CDK14: variants seen among roughly 807,000 people sequenced by gnomAD.
CDK14 encodes the protein cyclin-dependent kinase 14.
Under a neutral mutation model 60.7 loss-of-function variants are expected in CDK14, and 34 were observed. The observed-to-expected ratio is 0.56, with a 90% CI of 0.43 to 0.75. The LOEUF is 0.75. Among genes scored for constraint, CDK14 ranks in the 30% least tolerant of loss-of-function variants. The pLI is 0.00. For synonymous variants in CDK14, 197 were observed against 203.7 expected (o/e 0.97, Z 0.28); for missense variants, 482 against 564.1 (o/e 0.85, Z 1.47).
At chr7:90,737,192 G>A (rs1391859958) in intron 3 of CDK14, among the ~76,000 whole-genome samples, 1 of 152,178 alleles carries the variant, frequency 6.6e-6, no homozygotes, top group Non-Finnish European at 1.5e-5. Context: ...GTTCTTGGGA[G>A]TACTACAGGA....
chr7:90,893,276 A>G (rs891370334), intron 6 of CDK14, among the ~76,000 whole-genome samples: 1 of 152,308 alleles, frequency 6.6e-6, no homozygotes, highest in East Asian at 1.9e-4. Flanking sequence ...TGGGAAGAAG[A>G]GGTGAGGCAT....
chr7:90,843,240 T>G (rs1790358381), intron 5 of CDK14, among the ~76,000 whole-genome samples: 1 of 152,194 alleles, frequency 6.6e-6, no homozygotes. Context: ...TTCATTAGTC[T>G]CAGTCCCTTT....
intron 7 of CDK14, among the ~76,000 whole-genome samples, chr7:90,916,650 T>A (rs1267194521): frequency 1.3e-5 from 2 of 152,356 alleles, no homozygotes; most frequent in South Asian, 4.1e-4. Flanking sequence ...TAACTGGTTA[T>A]ATAGACTAGA....
At position 91,154,570 on chromosome 7, in the gene CDK14, A is replaced by G. The variant is rs146580375; in HGVS notation, c.*28+36362A>G. On this transcript the variant is annotated intron_variant, in intron 14 of 14. Coordinates refer to ENST00000380050, the MANE Select transcript of CDK14 (RefSeq NM_001287135.2). ...GATATAGTATGCAGCACATCTTGGA[A>G]GAGAAATTCTGTGAGAAGCAATTCC... Among the ~76,000 whole-genome samples, 262 of 152,292 alleles carry G rather than the reference A, an allele frequency of 1.7e-3. 1 individual carries two copies. The highest frequency in any genetic ancestry group is 2.7e-3 in the Non-Finnish European group (187 of 68,014).
intron 5 of CDK14, among the ~76,000 whole-genome samples, chr7:90,809,362 C>T (rs185599842): frequency 1.0e-3 from 156 of 152,068 alleles, no homozygotes; most frequent in African/African-American, 3.4e-3. Flanking sequence ...AACCTGCTCC[C>T]GAATGACTGC....
chr7:90,948,807 C>G (rs1344591746), intron 8 of CDK14, among the ~76,000 whole-genome samples: 3 of 152,210 alleles, frequency 2.0e-5, no homozygotes, highest in African/African-American at 7.2e-5. Context: ...GTCACTTAAT[C>G]AAGGAGAAAT....
chr7:90,625,534 A>G (rs192282728), intron 2 of CDK14, among the ~76,000 whole-genome samples: 2 of 152,338 alleles, frequency 1.3e-5, no homozygotes, highest in East Asian at 3.9e-4. Context: ...TTGATCTCTT[A>G]TACCTTGGAC....
At chr7:91,056,353 A>G (rs1797557063) in intron 11 of CDK14, among the ~76,000 whole-genome samples, 1 of 150,802 alleles carries the variant, frequency 6.6e-6, no homozygotes, top group Non-Finnish European at 1.5e-5. Context: ...AGCACAGAGA[A>G]CAGCATGGTG....
intron 2 of CDK14, chr7:90,710,323 CA>C: frequency 1.0e-6 from 1 of 985,040 alleles, no homozygotes; most frequent in South Asian, 4.7e-5. Flanking sequence ...AGAGATCTTA[CA>C]TTTTTTTTTG....
At chr7:90,706,518 A>G (rs925027347) in intron 2 of CDK14, among the ~76,000 whole-genome samples, 2 of 152,184 alleles carry the variant, frequency 1.3e-5, no homozygotes, top group Non-Finnish European at 2.9e-5. Flanking sequence ...AGCAGTTTAC[A>G]TTCTAGTGGG....
At chr7:90,794,437 A>G (rs1212912349) in intron 5 of CDK14, among the ~76,000 whole-genome samples, 1 of 152,156 alleles carries the variant, frequency 6.6e-6, no homozygotes, top group East Asian at 1.9e-4. Context: ...TCCCTTGTCT[A>G]CAACTGTAAA....
chr7:91,203,769 C>T (rs974596242), intron 14 of CDK14, among the ~76,000 whole-genome samples: 2 of 152,086 alleles, frequency 1.3e-5, no homozygotes. Context: ...AATGTGAAGG[C>T]TGATAGTGGG....
intron 3 of CDK14, among the ~76,000 whole-genome samples, chr7:90,741,529 G>T (rs1803344594): frequency 6.6e-6 from 1 of 152,142 alleles, no homozygotes; most frequent in Non-Finnish European, 1.5e-5. Context: ...GATATTTACA[G>T]GTGAATTGGG....
intron 2 of CDK14, among the ~76,000 whole-genome samples, chr7:90,716,802 T>A (rs1802263490): frequency 6.6e-6 from 1 of 152,104 alleles, no homozygotes; most frequent in South Asian, 2.1e-4. Flanking sequence ...CCTCTAAATT[T>A]GCCCTCTCTA....
At chr7:90,814,360 C>T (rs551835332) in intron 5 of CDK14, among the ~76,000 whole-genome samples, 27 of 152,202 alleles carry the variant, frequency 1.8e-4, no homozygotes, top group African/African-American at 6.0e-4. Flanking sequence ...AAAACATGAG[C>T]CACATTTTAC....
At position 90,893,499 on chromosome 7, in the gene CDK14, A is replaced by G. The variant is rs1410048503; in HGVS notation, c.640-5792A>G. On this transcript the variant is annotated intron_variant, in intron 6 of 14. Transcript: ENST00000380050. ...GAGCTGTTGGTCATATGCCATAGTG[A>G]TGTTCTGTTCAGAACTTTATAACCA... Among the ~76,000 whole-genome samples the G allele has an allele frequency of 8.5e-4, 129 of 152,312 alleles. 1 individual carries two copies. The highest frequency in any genetic ancestry group is 2.1e-4 in the Non-Finnish European group (14 of 68,034).
At chr7:90,650,321 T>C (rs1165264291) in intron 2 of CDK14, among the ~76,000 whole-genome samples, 1 of 152,210 alleles carries the variant, frequency 6.6e-6, no homozygotes, top group Non-Finnish European at 1.5e-5. Context: ...TTTTTTCTTG[T>C]AAATTTGTTT....
At chr7:90,842,615 G>A (rs960111629) in intron 5 of CDK14, among the ~76,000 whole-genome samples, 14 of 152,214 alleles carry the variant, frequency 9.2e-5, no homozygotes, top group Middle Eastern at 3.4e-3. Flanking sequence ...ATCTATGTGC[G>A]TCTGTGCGTG....
At chr7:90,967,696 G>A (rs539300464) in intron 9 of CDK14, among the ~76,000 whole-genome samples, 1 of 152,320 alleles carries the variant, frequency 6.6e-6, no homozygotes, top group South Asian at 2.1e-4. Flanking sequence ...TTTTACATGA[G>A]TGGATTATAG....
Sources: gnomAD v4.1 joint callset for allele counts (sites outside exome capture counted in the v4.1 genomes callset) on GRCh38, gnomAD v4.1.1 for gene constraint, MANE v1.5 for transcripts, NCBI Gene and HGNC (gene_info 2026-07-23, HGNC 2026-07-21) for gene names.